FAT2: variants seen among roughly 807,000 people sequenced by gnomAD.
FAT2 encodes protocadherin Fat 2.
A neutral mutation model predicts 295.3 loss-of-function variants in FAT2; 150 were observed. The ratio of observed to expected loss-of-function variants is 0.51; its 90% CI spans 0.44 to 0.58. The LOEUF (loss-of-function observed/expected upper bound fraction) is 0.58, where lower values mean the gene tolerates loss of function less well. Among genes scored for constraint, FAT2 ranks in the 20% least tolerant of loss-of-function variants. The pLI is 0.00. For missense variants in FAT2, 4,868 were observed against 5,442.7 expected, an observed-to-expected ratio of 0.89 and a Z score of 3.32; for synonymous variants, 2,026 against 2,150.3, an observed-to-expected ratio of 0.94 and a Z score of 1.60.
At chr5:151,528,967 G>A (rs1184908819) in intron 15 of FAT2, among the ~76,000 whole-genome samples, 1 of 152,020 alleles carries the variant, frequency 6.6e-6, no homozygotes, top group African/African-American at 2.4e-5. Flanking sequence ...TTATCATATG[G>A]CTCTGAGACA....
intron 8 of FAT2, among the ~76,000 whole-genome samples, chr5:151,550,006 A>G (rs1048080489): frequency 6.6e-6 from 1 of 152,186 alleles, no homozygotes; most frequent in Non-Finnish European, 1.5e-5. Context: ...TTCTGGTTCC[A>G]TCATAAATAA....
rs752879940 is a variant in FAT2, at chr5:151,531,797, G to C, written c.9601C>G (p.Leu3201Val). ...DLGTPIPLSTLGTVTVSVVGL... is the reference protein window; with the variant it reads ...DLGTPIPLSTVGTVTVSVVGL... ...ACCACCGAGACTGTGACGGTGCCCA[G>C]CGTGGACAGCGGTATTGGGGTGCCC... The change falls in exon 14 of 24, where the codon CTG becomes GTG. Residue 3201 changes from leucine (L) to valine (V), a missense_variant. Coordinates refer to ENST00000261800, the MANE Select transcript of FAT2 (RefSeq NM_001447.3). The surrounding 1 kb of genome is among the most constrained non-coding windows in gnomAD (Gnocchi z 5.7). The C allele has an allele frequency of 6.2e-7, 1 of 1,613,058 alleles. No individual in the cohort carries two copies. The highest frequency in any genetic ancestry group is 1.3e-5 in the African/African-American group (1 of 74,932).
rs749867328 is a variant in FAT2 at position 151,553,246 on chromosome 5, G to A, written c.4087C>T (p.Pro1363Ser). ...ATGACCCCCACCATGTGGTTCACAG[G>A]GTCCGTCTCCATGACCGTAAAGCTG... is the stretch of plus-strand genomic sequence containing the variant. Reference protein sequence around the residue: ...YYSFTVMETDPVNHMVGVISV... With the variant: ...YYSFTVMETDSVNHMVGVISV... The change falls in exon 6 of 24, where the codon CCT becomes TCT. Residue 1363 changes from proline (P) to serine (S), a missense_variant. Physicochemically the swap from Pro to Ser is moderately conservative, Grantham distance 74. Around this residue, in one of 5 missense-constraint regions of FAT2, gnomAD observed 3,297 missense variants for 3,669.4 expected, o/e 0.90. Coordinates refer to ENST00000261800, the MANE Select transcript of FAT2 (RefSeq NM_001447.3). 3.1e-6 allele frequency: 5 copies of A among 1,614,210 alleles called. No homozygotes were observed. Among genetic ancestry groups the A allele is most frequent in the Non-Finnish European group, 4.2e-6 (5 of 1,180,030 alleles).
In FAT2 at chr5:151,527,321, A is replaced by T. The variant is rs1467773094; in HGVS notation, c.10221T>A (p.His3407Gln). ...CTTGGATAGCGATGTCTGTGTCCTC[A>T]TGCAGTGGAGGCTGCCCACTGTCTG... is the stretch of plus-strand genomic sequence containing the variant. ...RATDSGQPPL[H>Q]EDTDIAIQVA... Residue 3407 changes from histidine to glutamine, a missense_variant, in exon 17 of 24, where the codon CAT becomes CAA. By Grantham distance (24) the His-to-Gln change is conservative. This residue lies in a region of FAT2 where 1,046 missense variants were observed against 1,210.1 expected (regional missense o/e 0.86). Coordinates refer to ENST00000261800, the MANE Select transcript of FAT2 (RefSeq NM_001447.3). The T allele has an allele frequency of 1.2e-6, 2 of 1,613,732 alleles. No homozygotes were observed. The highest frequency in any genetic ancestry group is 1.1e-5 in the South Asian group (1 of 91,018).
chr5:151,535,384 T>G (rs12659298), intron 12 of FAT2, among the ~76,000 whole-genome samples: 83,878 of 151,614 alleles, frequency 0.55, 23,421 homozygotes, highest in East Asian at 0.81. Flanking sequence ...CCCCAGAGAG[T>G]CTCCTGCCTT....
chr5:151,548,381 A>G (rs908688897), intron 9 of FAT2, among the ~76,000 whole-genome samples: 1 of 152,104 alleles, frequency 6.6e-6, no homozygotes, highest in Admixed American at 6.6e-5. Flanking sequence ...GATACTGGAT[A>G]TTATCGCTTT....
intron 1 of FAT2, among the ~76,000 whole-genome samples, chr5:151,589,100 G>A (rs2127665770): frequency 6.6e-6 from 1 of 152,344 alleles, no homozygotes; most frequent in East Asian, 1.9e-4. Context: ...AGCTAGCTCA[G>A]TTTGCATTCT....
intron 20 of FAT2, among the ~76,000 whole-genome samples, chr5:151,514,770 C>T (rs1752675655): frequency 6.6e-6 from 1 of 152,160 alleles, no homozygotes; most frequent in Admixed American, 6.5e-5. Context: ...GGCACTTTCA[C>T]CATCACATCT....
chr5:151,563,238 A>G (rs1758099345), intron 3 of FAT2, 87 bp downstream of exon 3: 11 of 1,268,328 alleles, frequency 8.7e-6, no homozygotes, highest in East Asian at 2.3e-5. Flanking sequence ...CCAAGTTCAC[A>G]GTAATGCTGA....
At position 151,568,365 on chromosome 5, in the gene FAT2, T is replaced by G. The variant is rs144601038; in HGVS notation, c.567A>C (p.Thr189=). 1.5e-5 allele frequency: 25 copies of G among 1,614,100 alleles called. No homozygotes were observed. The African/African-American group carries it at 2.8e-4, about 18-fold the overall frequency. ...QNAEFYYAFN[T]RSEMFAIHPT... ...GATGGATGGCAAACATCTCTGACCT[T>G]GTGTTAAAGGCATAATAGAACTCAG... is the stretch of plus-strand genomic sequence containing the variant. The change falls in exon 2 of 24, where the codon ACA becomes ACC. Residue 189 remains threonine, a synonymous_variant. Transcript: ENST00000261800.
chr5:151,592,085 A>G, upstream of FAT2, among the ~76,000 whole-genome samples: 1 of 152,198 alleles, frequency 6.6e-6, no homozygotes, highest in East Asian at 1.9e-4. Flanking sequence ...AAGCACGGTG[A>G]GTGATGGCTC....
At chr5:151,590,553 T>C (rs1019742856) in intron 1 of FAT2, among the ~76,000 whole-genome samples, 2 of 152,196 alleles carry the variant, frequency 1.3e-5, no homozygotes, top group Admixed American at 6.5e-5. Flanking sequence ...CTCAGACTCA[T>C]GGTCTTTCAC....
chr5:151,538,106 AAG>A (rs1425360448), intron 11 of FAT2, among the ~76,000 whole-genome samples, 160 bp from the exon 12 acceptor site: 2 of 151,982 alleles, frequency 1.3e-5, no homozygotes, highest in Admixed American at 1.3e-4. Context: ...GAGAGAGAGA[AAG>A]AGAAGCAGAG....
At chr5:151,571,396 G>T (rs1323572655) in intron 1 of FAT2, among the ~76,000 whole-genome samples, 5 of 152,212 alleles carry the variant, frequency 3.3e-5, no homozygotes, top group African/African-American at 1.2e-4. Context: ...TCCCAGCCCT[G>T]CCTGCCCTGC....
At chr5:151,515,150 C>G (rs1752725833) in intron 20 of FAT2, among the ~76,000 whole-genome samples, 1 of 152,148 alleles carries the variant, frequency 6.6e-6, no homozygotes. Flanking sequence ...TTACTGGCCT[C>G]TCAGCAGCAG....
chr5:151,585,380 G>GGCA (rs1456154350), intron 1 of FAT2, among the ~76,000 whole-genome samples: 1 of 152,244 alleles, frequency 6.6e-6, no homozygotes, highest in Non-Finnish European at 1.5e-5. Context: ...GGGAGGCCAA[G>GGCA]GCAGGTTGGA....
intron 1 of FAT2, among the ~76,000 whole-genome samples, chr5:151,584,409 G>A (rs565593752): frequency 5.3e-5 from 8 of 152,234 alleles, no homozygotes; most frequent in African/African-American, 1.2e-4. Flanking sequence ...ATTCTGGTCC[G>A]TTTTCTTATT....
At position 151,512,795 on chromosome 5, in the gene FAT2, TC is replaced by T. The variant is rs1761423345; in HGVS notation, c.11464-190del. 1.6e-6 allele frequency: 1 copy of T among 606,494 alleles called. No individual in the cohort carries two copies. Among genetic ancestry groups the T allele is most frequent in the African/African-American group, 1.9e-5 (1 of 53,944 alleles). The allele number at this position is 606,494 out of a possible 1,614,324, so 37.6% of individuals were successfully genotyped here. A position where few individuals can be genotyped will look rare whatever the true frequency, so the allele number is the denominator to read the frequency against. Reference sequence around the variant, plus strand: ...CTTTTGTGTTGATGGTCTCCTTTGTTCTCACCACACCCCATGGGATGGTCTG... The same window carrying T: ...CTTTTGTGTTGATGGTCTCCTTTGTTTCACCACACCCCATGGGATGGTCTG... On this transcript the variant is annotated intron_variant, in intron 20 of 23. Coordinates refer to ENST00000261800, the MANE Select transcript of FAT2 (RefSeq NM_001447.3). This position sits in a 1 kb window ranked among gnomAD's most constrained non-coding sequence, Gnocchi z 4.1.
upstream of FAT2, among the ~76,000 whole-genome samples, chr5:151,593,312 G>A (rs890613506): frequency 2.0e-5 from 3 of 152,204 alleles, no homozygotes; most frequent in Non-Finnish European, 4.4e-5. Flanking sequence ...TCCCTCGGGG[G>A]CCAAGGCTGG....
Sources: allele counts gnomAD v4.1 joint callset (sites outside exome capture counted in the v4.1 genomes callset), GRCh38; gene constraint gnomAD v4.1.1; regional missense constraint gnomAD v4.1.1; non-coding constraint Gnocchi (gnomAD v3.1); transcripts MANE v1.5; gene names NCBI Gene and HGNC (gene_info 2026-07-23, HGNC 2026-07-21).